Variants in GDPD4 observed in about 807,000 individuals in gnomAD.
GDPD4 encodes glycerophosphodiester phosphodiesterase 6.
Under a neutral mutation model 67.8 loss-of-function variants are expected in GDPD4, and 60 were observed. That is an observed-to-expected ratio of 0.88 (90% confidence interval 0.72 to 1.10). The LOEUF (loss-of-function observed/expected upper bound fraction) is 1.10. Among genes scored for constraint, GDPD4 ranks in the 50% least tolerant of loss-of-function variants. GDPD4 has a pLI of 0.00. For synonymous variants in GDPD4, 212 were observed against 210.9 expected, an observed-to-expected ratio of 1.00 and a Z score of -0.04; for missense variants, 623 against 613.9, an observed-to-expected ratio of 1.01 and a Z score of -0.16.
intron 5 of GDPD4, among the ~76,000 whole-genome samples, chr11:77,272,952 T>G (rs1160485274): frequency 6.6e-6 from 1 of 152,174 alleles, no homozygotes; most frequent in Non-Finnish European, 1.5e-5. Context: ...TGGTTTTTTA[T>G]GGAGCATCAT....
At chr11:77,233,344 T>A (rs1958489570) in intron 13 of GDPD4, among the ~76,000 whole-genome samples, 172 bp from the exon 14 acceptor site, 1 of 145,712 alleles carries the variant, frequency 6.9e-6, no homozygotes, top group South Asian at 2.1e-4. Flanking sequence ...TACAATAAGA[T>A]AAAGGATTGG....
chr11:77,270,440 G>A (rs1037986917), intron 7 of GDPD4, among the ~76,000 whole-genome samples: 6 of 152,178 alleles, frequency 3.9e-5, no homozygotes, highest in East Asian at 1.9e-4. Context: ...AATATTTGCC[G>A]GGCGCAGTGG....
At chr11:77,229,324 G>C in intron 14 of GDPD4, 92 bp from the exon 15 acceptor site, 2 of 709,102 alleles carry the variant, frequency 2.8e-6, no homozygotes, top group Non-Finnish European at 2.4e-6. Context: ...GCCAGGGCTG[G>C]AGGAGGAGAG....
Position 77,233,029 on chromosome 11 carries a change from A to G in GDPD4, c.1385T>C (p.Phe462Ser). 1 of 1,613,924 alleles carries G rather than the reference A, an allele frequency of 6.2e-7. No individual in the cohort carries two copies. Among genetic ancestry groups the G allele is most frequent in the South Asian group, 1.1e-5 (1 of 91,068 alleles). The change falls in exon 14 of 17, where the codon TTC becomes TCC. Residue 462 changes from phenylalanine to serine, a missense_variant. Phe to Ser is a radical substitution (Grantham distance 155). Coordinates refer to ENST00000315938, the MANE Select transcript of GDPD4 (RefSeq NM_182833.3). ...CAATCTGGACAACCAGCTCACCATG[A>G]AGAAGTGAGGGTGATCAAGCTGACT... ...LLSQLDHPHFFMTPKFYVFMW... is the reference protein window; with the variant it reads ...LLSQLDHPHFSMTPKFYVFMW...
chr11:77,237,293 TG>T (rs1160617306), intron 13 of GDPD4, among the ~76,000 whole-genome samples: 1 of 152,230 alleles, frequency 6.6e-6, no homozygotes, highest in African/African-American at 2.4e-5. Context: ...CTTGATTGCC[TG>T]CTGTATCCTT....
rs199757792 is a variant in GDPD4, at chr11:77,243,807, G to A, written c.1128C>T (p.Ser376=). 2.5e-5 allele frequency: 40 copies of A among 1,613,790 alleles called. No homozygotes were observed. Among genetic ancestry groups the A allele is most frequent in the East Asian group, 2.5e-4 (11 of 44,876 alleles). The change falls in exon 13 of 17, where the codon TCC becomes TCT. Residue 376 remains serine, a synonymous_variant. Coordinates refer to ENST00000315938, the MANE Select transcript of GDPD4 (RefSeq NM_182833.3). ...LPAHDRQYVR[S]VAPGFQHVGR... is the part of the protein sequence containing the mutation. ...CCACATGCTGAAAACCAGGAGCCACGGACCTGACGTATTGCCTATCATGAG... is the reference window on the plus strand; with the variant it reads ...CCACATGCTGAAAACCAGGAGCCACAGACCTGACGTATTGCCTATCATGAG...
rs370162148 is a variant in GDPD4 at position 77,271,425 on chromosome 11, C to G, written c.208-32G>C. On this transcript the variant is annotated intron_variant, in intron 5 of 16. Transcript: ENST00000315938. ...AAACAGAAAAAAAATCTCCTGACTT[C>G]AAGCACTAGGCTTGGATCAGAACTG... 3.7e-6 allele frequency: 5 copies of G among 1,339,800 alleles called. No individual in the cohort carries two copies. In the African/African-American group the frequency reaches 5.8e-5, roughly 15 times the overall value. The allele number at this position is 1,339,800 out of a possible 1,614,324, so 83.0% of individuals were successfully genotyped here.
chr11:77,261,971 T>C (rs1218331020), intron 10 of GDPD4, among the ~76,000 whole-genome samples: 3 of 152,224 alleles, frequency 2.0e-5, no homozygotes, highest in Non-Finnish European at 2.9e-5. Flanking sequence ...ATCTGCGCAA[T>C]AGCTAATACC....
intron 10 of GDPD4, among the ~76,000 whole-genome samples, chr11:77,266,498 T>A (rs758508949): frequency 4.9e-4 from 74 of 152,328 alleles, no homozygotes; most frequent in Non-Finnish European, 9.0e-4. Flanking sequence ...ACACTTTTTA[T>A]TGTTATTTTA....
intron 1 of GDPD4, among the ~76,000 whole-genome samples, chr11:77,297,537 GAAAAAAA>G (rs576071684): frequency 1.3e-5 from 1 of 77,976 alleles, no homozygotes; most frequent in Non-Finnish European, 2.6e-5. Context: ...CTCCGTCTCA[GAAAAAAA>G]AAAAAAAAAA....
intron 1 of GDPD4, among the ~76,000 whole-genome samples, chr11:77,288,415 G>A (rs1000765261): frequency 7.2e-5 from 11 of 151,906 alleles, no homozygotes; most frequent in Non-Finnish European, 1.2e-4. Context: ...AGGAACAATC[G>A]GCCTGCCACC....
At chr11:77,252,061 T>TTTG (rs1565523275) in intron 11 of GDPD4, among the ~76,000 whole-genome samples, 3 of 100,150 alleles carry the variant, frequency 3.0e-5, no homozygotes, top group South Asian at 6.5e-4. Flanking sequence ...TTTGTTTTTT[T>TTTG]TTTGTTTTTT....
intron 3 of GDPD4, among the ~76,000 whole-genome samples, chr11:77,282,568 C>T (rs188124088): frequency 6.9e-4 from 105 of 151,820 alleles, no homozygotes; most frequent in African/African-American, 2.4e-3. Flanking sequence ...GTGGGAGGAT[C>T]GGTCAAGCTT....
At chr11:77,217,515 AGTC>A (rs1307432746) in intron 16 of GDPD4, among the ~76,000 whole-genome samples, 1 of 26,230 alleles carries the variant, frequency 3.8e-5, no homozygotes, top group Non-Finnish European at 1.7e-4. Flanking sequence ...GGGGCTTAAG[AGTC>A]TACTACTGCA....
intron 11 of GDPD4, among the ~76,000 whole-genome samples, chr11:77,257,556 C>G (rs533826869): frequency 4.5e-5 from 3 of 65,986 alleles, no homozygotes; most frequent in African/African-American, 4.0e-4. Flanking sequence ...CTCTCCTACA[C>G]ACACACACAC....
At chr11:77,224,407 C>CATTACATT (rs1958287247) in intron 16 of GDPD4, 1 of 146,782 alleles carries the variant, frequency 6.8e-6, no homozygotes, top group Non-Finnish European at 1.5e-5. Flanking sequence ...CAATGATTTA[C>CATTACATT]ATTACATTAC....
chr11:77,253,306 C>G (rs951885156), intron 11 of GDPD4, among the ~76,000 whole-genome samples: 4 of 152,132 alleles, frequency 2.6e-5, no homozygotes, highest in Admixed American at 1.3e-4. Context: ...AGCTTGGGTG[C>G]CTTGGGATGA....
At chr11:77,271,764 A>C (rs1959232750) in intron 5 of GDPD4, among the ~76,000 whole-genome samples, 1 of 152,144 alleles carries the variant, frequency 6.6e-6, no homozygotes, top group Non-Finnish European at 1.5e-5. Flanking sequence ...TCAATTGTAT[A>C]CTCAATACAA....
chr11:77,245,577 T>A, intron 11 of GDPD4, 75 bp from the exon 12 acceptor site: 1 of 937,912 alleles, frequency 1.1e-6, no homozygotes, highest in Non-Finnish European at 1.7e-6. Flanking sequence ...CATCCAGCTC[T>A]ACCTCAGTTG....
Sources: allele counts gnomAD v4.1 joint callset (sites outside exome capture counted in the v4.1 genomes callset), GRCh38; gene constraint gnomAD v4.1.1; transcripts MANE v1.5; gene names NCBI Gene and HGNC (gene_info 2026-07-23, HGNC 2026-07-21).